Variants in PLCZ1 observed in about 807,000 individuals in gnomAD.
PLCZ1 encodes phospholipase C zeta 1.
PLCZ1 carries 64 observed loss-of-function variants against 76.8 expected under a neutral mutation model. That is an observed-to-expected ratio of 0.83 (90% CI 0.68 to 1.03). The LOEUF (loss-of-function observed/expected upper bound fraction) is 1.03. Ranked by LOEUF, PLCZ1 falls within the 50% of genes least tolerant of loss-of-function variation. The pLI, the probability that PLCZ1 is intolerant of heterozygous loss-of-function variation, is 0.00. For missense variants in PLCZ1, 751 were observed against 713.7 expected (o/e 1.05, Z -0.60); for synonymous variants, 248 against 230.8 (o/e 1.07, Z -0.68).
the PLCZ1 span, among the ~76,000 whole-genome samples, chr12:18,660,736 A>G: frequency 5.9e-5 from 9 of 152,142 alleles, no homozygotes; most frequent in Non-Finnish European, 1.0e-4. Context: ...TTAGATTCAT[A>G]TATATAGCTT....
At chr12:18,733,434 G>T (rs1592297535) in intron 3 of PLCZ1, among the ~76,000 whole-genome samples, 1 of 152,128 alleles carries the variant, frequency 6.6e-6, no homozygotes, top group East Asian at 1.9e-4. Context: ...CCTTTGCTGT[G>T]CAATAGCCAC....
chr12:18,736,069 C>T, intron 3 of PLCZ1, 152 bp downstream of exon 3: 6 of 809,498 alleles, frequency 7.4e-6, no homozygotes, highest in Non-Finnish European at 1.1e-5. Context: ...CTAATTTTAC[C>T]TTCTACTGAA....
At chr12:18,697,886 A>AC (rs1555181165) in intron 10 of PLCZ1, among the ~76,000 whole-genome samples, 20 of 151,858 alleles carry the variant, frequency 1.3e-4, no homozygotes, top group African/African-American at 4.8e-4. Flanking sequence ...ATTATTTACT[A>AC]TAACTTTTGG....
At chr12:18,707,532 C>T (rs559473918) in intron 6 of PLCZ1, among the ~76,000 whole-genome samples, 3 of 152,154 alleles carry the variant, frequency 2.0e-5, no homozygotes, top group Admixed American at 6.5e-5. Context: ...GCAATGTTTG[C>T]CCCCCATTTC....
chr12:18,719,766 A>G (rs928366455), intron 4 of PLCZ1, 134 bp from the exon 5 acceptor site: 1 of 543,592 alleles, frequency 1.8e-6, no homozygotes, highest in African/African-American at 2.0e-5. Flanking sequence ...TAATATTAAT[A>G]CTATATTTAT....
Position 18,691,393 on chromosome 12 carries a change from A to T in PLCZ1, c.1462-3175T>A, listed in dbSNP as rs545367045. Among the ~76,000 whole-genome samples the T allele has an allele frequency of 2.6e-5, 4 of 152,310 alleles. No homozygotes were observed. In the South Asian group the frequency reaches 8.3e-4, roughly 32 times the overall value. ...AATATGCCTTTAGATTCCCAAAATC[A>T]TGTCCAATTAAAGACTTGAGCATTG... On this transcript the variant is annotated intron_variant, in intron 12 of 14. Transcript: ENST00000266505.
At chr12:18,691,523 C>T (rs1341030632) in intron 12 of PLCZ1, among the ~76,000 whole-genome samples, 1 of 151,888 alleles carries the variant, frequency 6.6e-6, no homozygotes, top group African/African-American at 2.4e-5. Context: ...TAAGGGAAGG[C>T]AGAGAAAGAG....
At chr12:18,661,368 T>TA in the PLCZ1 span, among the ~76,000 whole-genome samples, 16 of 100,168 alleles carry the variant, frequency 1.6e-4, no homozygotes, top group East Asian at 2.5e-3. Context: ...CTGCCAAAAA[T>TA]AAAAAAAAAG....
rs747986216 is a variant in PLCZ1 at position 18,699,900 on chromosome 12, C to T, written c.1068G>A (p.Thr356=). ...GAAAGCTTTTGAATTTCTCAGCTTT[C>T]GTATAAATGACAAGATCAGATAAGG... The part of the protein sequence containing the change: ...ALALSDLVIY[T]KAEKFKSFQH... The change falls in exon 10 of 15, where the codon ACG becomes ACA. Residue 356 remains threonine, a synonymous_variant. Transcript: ENST00000266505. 37 of 1,612,192 alleles carry T rather than the reference C, an allele frequency of 2.3e-5. No homozygotes were observed. The highest frequency in any genetic ancestry group is 5.4e-5 in the African/African-American group (4 of 74,762).
the PLCZ1 span, among the ~76,000 whole-genome samples, chr12:18,665,733 G>A: frequency 9.2e-5 from 14 of 152,032 alleles, no homozygotes; most frequent in East Asian, 9.7e-4. Context: ...TCAGGAGATC[G>A]AGACCATCCT....
At chr12:18,669,285 C>G in the PLCZ1 span, among the ~76,000 whole-genome samples, 1 of 152,282 alleles carries the variant, frequency 6.6e-6, no homozygotes, top group African/African-American at 2.4e-5. Context: ...TTAACCACTG[C>G]ACTATATTCT....
chr12:18,696,335 T>C, intron 10 of PLCZ1, 69 bp from the exon 11 acceptor site: 1 of 255,746 alleles, frequency 3.9e-6, no homozygotes, highest in Admixed American at 5.9e-5. Flanking sequence ...TATATATATA[T>C]ATATATATAT....
intron 7 of PLCZ1, among the ~76,000 whole-genome samples, chr12:18,701,997 T>C (rs573916453): frequency 4.6e-5 from 7 of 152,298 alleles, no homozygotes; most frequent in African/African-American, 1.7e-4. Flanking sequence ...CCTGTTATGA[T>C]TGAGACTTAC....
At chr12:18,648,028 A>G in the PLCZ1 span, 6 of 1,581,572 alleles carry the variant, frequency 3.8e-6, no homozygotes, top group South Asian at 1.2e-5. Context: ...GTATAATTTG[A>G]CCATTGCTAT....
intron 2 of PLCZ1, 33 bp from the exon 3 acceptor site, chr12:18,736,377 C>A (rs774988273): frequency 6.2e-7 from 1 of 1,600,432 alleles, no homozygotes; most frequent in Non-Finnish European, 8.5e-7. Flanking sequence ...GAAATTCTCA[C>A]AGAAAGTCAT....
chr12:18,668,647 T>C, the PLCZ1 span, among the ~76,000 whole-genome samples: 1 of 151,974 alleles, frequency 6.6e-6, no homozygotes, highest in Non-Finnish European at 1.5e-5. Context: ...ACAACTCATC[T>C]CCCTAGAGCA....
intron 4 of PLCZ1, among the ~76,000 whole-genome samples, chr12:18,723,000 G>A (rs1958535709): frequency 6.6e-6 from 1 of 151,584 alleles, no homozygotes; most frequent in South Asian, 2.1e-4. Flanking sequence ...CTTCTAATAG[G>A]GTACATGTAA....
intron 12 of PLCZ1, 127 bp downstream of exon 12, chr12:18,694,783 A>C: frequency 1.3e-6 from 1 of 742,086 alleles, no homozygotes; most frequent in South Asian, 2.0e-5. Flanking sequence ...ACCCACATAT[A>C]GTACCTGAAA....
intron 9 of PLCZ1, 140 bp from the exon 10 acceptor site, chr12:18,700,090 C>G (rs993242669): frequency 2.8e-6 from 2 of 707,426 alleles, no homozygotes; most frequent in African/African-American, 3.6e-5. Context: ...ATTTGATTAA[C>G]TCAATATGAT....
Sources: allele counts gnomAD v4.1 joint callset (sites outside exome capture counted in the v4.1 genomes callset), GRCh38; gene constraint gnomAD v4.1.1; transcripts MANE v1.5; gene names NCBI Gene and HGNC (gene_info 2026-07-23, HGNC 2026-07-21).